PTAFR: variants seen among roughly 807,000 people sequenced by gnomAD.
PTAFR encodes platelet-activating factor receptor.
PTAFR carries 8 observed loss-of-function variants against 14.7 expected under a neutral mutation model. That is an observed-to-expected ratio of 0.54 (90% CI 0.32 to 0.98). PTAFR has a LOEUF of 0.98. Among genes scored for constraint, PTAFR ranks in the 50% least tolerant of loss-of-function variants. The pLI is 0.04. For missense variants in PTAFR, 337 were observed against 451.2 expected (o/e 0.75, Z 2.29); for synonymous variants, 156 against 176.5 (o/e 0.88, Z 0.92).
rs753134081 is a variant in PTAFR, at chr1:28,150,024, T to G, written c.998A>C (p.Asn333Thr). ...TTTGAGGGAATTGCCAGGGATCTGGTTGAATGGCACAACCACTTCAGTGAC... is the reference window on the plus strand; with the variant it reads ...TTTGAGGGAATTGCCAGGGATCTGGGTGAATGGCACAACCACTTCAGTGAC... ...DTVTEVVVPF[N>T]QIPGNSLKN The change falls in exon 2 of 2, where the codon AAC becomes ACC. Residue 333 changes from asparagine to threonine, a missense_variant. Physicochemically the swap from Asn to Thr is moderately conservative, Grantham distance 65. Transcript: ENST00000373857. This position sits in a 1 kb window ranked among gnomAD's most constrained non-coding sequence, Gnocchi z 6.3. 1 of 1,613,630 alleles carries G rather than the reference T, an allele frequency of 6.2e-7. No homozygotes were observed. Among genetic ancestry groups the G allele is most frequent in the African/African-American group, 1.3e-5 (1 of 74,910 alleles).
At chr1:28,153,892 A>C (rs1166885340) in intron 1 of PTAFR, among the ~76,000 whole-genome samples, 7 of 151,924 alleles carry the variant, frequency 4.6e-5, no homozygotes, top group African/African-American at 1.5e-4. Flanking sequence ...TATCTCAAAA[A>C]AAAGAAAAAA....
rs758670134 is a variant in PTAFR, at chr1:28,150,113, G to A, written c.909C>T (p.His303=). The A allele has an allele frequency of 1.7e-5, 28 of 1,614,088 alleles. No individual in the cohort carries two copies. The highest frequency in any genetic ancestry group is 2.4e-5 in the Non-Finnish European group (28 of 1,180,040). The change falls in exon 2 of 2, where the codon CAC becomes CAT. Residue 303 remains histidine, a synonymous_variant. Coordinates refer to ENST00000373857, the MANE Select transcript of PTAFR (RefSeq NM_000952.5). This position sits in a 1 kb window ranked among gnomAD's most constrained non-coding sequence, Gnocchi z 6.3. Reference sequence around the variant, plus strand: ...GCATGCTGTAGAACTTTTCGGTGAGGTGCTTGCGGAACTTCTTGGTGAGGA... The same window carrying A: ...GCATGCTGTAGAACTTTTCGGTGAGATGCTTGCGGAACTTCTTGGTGAGGA... The part of the protein sequence containing the change: ...YCFLTKKFRK[H]LTEKFYSMRS...
chr1:28,150,533 G>C lies in PTAFR; in HGVS notation c.489C>G (p.Asp163Glu). 6.2e-7 allele frequency: 1 copy of C among 1,614,222 alleles called. No homozygotes were observed. Among genetic ancestry groups the C allele is most frequent in the Non-Finnish European group, 8.5e-7 (1 of 1,180,040 alleles). Residue 163 changes from aspartate (D) to glutamate (E), a missense_variant, in exon 2 of 2, where the codon GAC (aspartate) becomes GAG (glutamate). By Grantham distance (45) the Asp-to-Glu change is conservative. Transcript: ENST00000373857. The surrounding 1 kb of genome is among the most constrained non-coding windows in gnomAD (Gnocchi z 6.3). Reference protein sequence around the residue: ...LILDSTNTVPDSAGSGNVTRC... With the variant: ...LILDSTNTVPESAGSGNVTRC... ...GAGTGACGTTGCCTGAGCCAGCACT[G>C]TCGGGCACTGTGTTGGTGGAGTCCA...
At chr1:28,171,948 T>C (rs538398965) in intron 1 of PTAFR, among the ~76,000 whole-genome samples, 1 of 152,136 alleles carries the variant, frequency 6.6e-6, no homozygotes, top group South Asian at 2.1e-4. Flanking sequence ...GGAGGAACCA[T>C]CTCCTCTGGG....
At chr1:28,153,615 C>CGCG (rs1646223397) in intron 1 of PTAFR, among the ~76,000 whole-genome samples, 1 of 150,010 alleles carries the variant, frequency 6.7e-6, no homozygotes, top group African/African-American at 2.5e-5. Context: ...ACAGGCTAGG[C>CGCG]GCGGTGGCTC....
At chr1:28,160,108 A>C (rs185934079) in intron 1 of PTAFR, among the ~76,000 whole-genome samples, 2 of 150,402 alleles carry the variant, frequency 1.3e-5, no homozygotes, top group Admixed American at 6.6e-5. Flanking sequence ...CCAGTTACTC[A>C]GGAAGCTGAG....
intron 1 of PTAFR, among the ~76,000 whole-genome samples, chr1:28,172,880 T>A (rs576216654): frequency 1.3e-5 from 2 of 151,662 alleles, no homozygotes. Flanking sequence ...CTCAAAGCAT[T>A]GTTGTAAAAA....
Position 28,149,893 on chromosome 1 carries a change from C to T in PTAFR, c.*100G>A, listed in dbSNP as rs1228744364. 2.8e-6 allele frequency: 4 copies of T among 1,430,098 alleles called. No homozygotes were observed. The highest frequency in any genetic ancestry group is 2.8e-6 in the Non-Finnish European group (3 of 1,058,654). The allele number at this position is 1,430,098 out of a possible 1,614,324, so 88.6% of individuals were successfully genotyped here. A position where few individuals can be genotyped will look rare whatever the true frequency, so the allele number is the denominator to read the frequency against. On this transcript the variant is annotated 3_prime_UTR_variant, in exon 2 of 2. Transcript: ENST00000373857. ...CTCCAAATCTAATGGCCCACCAGTG[C>T]CCACAGAGGTGGTGCCCAGACCACA...
At chr1:28,176,245 C>A (rs1220263792) in intron 1 of PTAFR, among the ~76,000 whole-genome samples, 3 of 151,924 alleles carry the variant, frequency 2.0e-5, no homozygotes, top group Non-Finnish European at 2.9e-5. Context: ...GAGTTAGAGA[C>A]CAGTCTGGGC....
intron 1 of PTAFR, among the ~76,000 whole-genome samples, chr1:28,154,834 G>A (rs1284527654): frequency 5.3e-4 from 74 of 139,226 alleles, no homozygotes; most frequent in African/African-American, 1.6e-3. Context: ...AAAAAAAAGT[G>A]GGGGGGGAGG....
chr1:28,152,833 C>T (rs947337738), intron 1 of PTAFR, among the ~76,000 whole-genome samples: 1 of 152,066 alleles, frequency 6.6e-6, no homozygotes, highest in Admixed American at 6.5e-5. Flanking sequence ...ACTATATATG[C>T]GTGTTTGAAT....
Position 28,149,841 on chromosome 1 carries a change from C to T in PTAFR, c.*152G>A. 1 of 1,042,170 alleles carries T rather than the reference C, an allele frequency of 9.6e-7. No individual in the cohort carries two copies. Among genetic ancestry groups the T allele is most frequent in the Non-Finnish European group, 1.4e-6 (1 of 730,700 alleles). 64.6% of individuals were successfully genotyped at this position (1,042,170 alleles called of 1,614,324 possible). On this transcript the variant is annotated 3_prime_UTR_variant, in exon 2 of 2. Transcript: ENST00000373857. ...TGGATTTTCCAACAGCCTGGCTCTGCCATCATCCCTGCCCAGGTGAGGTAG... is the reference window on the plus strand; with the variant it reads ...TGGATTTTCCAACAGCCTGGCTCTGTCATCATCCCTGCCCAGGTGAGGTAG...
At position 28,149,777 on chromosome 1, in the gene PTAFR, T is replaced by A; in HGVS notation, c.*216A>T. ...AAGTCATCAGTCACAGTTACTGTAG[T>A]ATGCGCCCACAGGCGGATGAAGGGG... On this transcript the variant is annotated 3_prime_UTR_variant, in exon 2 of 2. Transcript: ENST00000373857. 1.7e-6 allele frequency: 1 copy of A among 587,062 alleles called. No individual in the cohort carries two copies. Among genetic ancestry groups the A allele is most frequent in the Non-Finnish European group, 3.0e-6 (1 of 336,324 alleles). 36.4% of individuals were successfully genotyped at this position (587,062 alleles called of 1,614,324 possible).
At chr1:28,178,535 A>G (rs1316461428), upstream of PTAFR, among the ~76,000 whole-genome samples, 1 of 152,052 alleles carries the variant, frequency 6.6e-6, no homozygotes, top group East Asian at 1.9e-4. Context: ...TGCCAGGATT[A>G]CAGGCATGAC....
chr1:28,153,454 G>A (rs1646219945), intron 1 of PTAFR, among the ~76,000 whole-genome samples: 1 of 151,378 alleles, frequency 6.6e-6, no homozygotes, highest in Non-Finnish European at 1.5e-5. Flanking sequence ...GTAGTAAAAA[G>A]AGCGCAGTAG....
At position 28,176,581 on chromosome 1, in the gene PTAFR, T is replaced by C. The variant is rs1244680367; in HGVS notation, c.-39+11A>G. 6.5e-6 allele frequency: 1 copy of C among 152,744 alleles called. No homozygotes were observed. The highest frequency in any genetic ancestry group is 2.4e-5 in the African/African-American group (1 of 41,408). The allele number at this position is 152,744 out of a possible 1,614,324, so 9.5% of individuals were successfully genotyped here. Reference sequence around the variant, plus strand: ...CCCCCTTGCCCAGCAGGGGCCAGGATTCCCCCTTACCTGTAGCAGGGGCAG... The same window carrying C: ...CCCCCTTGCCCAGCAGGGGCCAGGACTCCCCCTTACCTGTAGCAGGGGCAG... On this transcript the variant is annotated intron_variant, in intron 1 of 1. Transcript: ENST00000373857.
intron 1 of PTAFR, among the ~76,000 whole-genome samples, chr1:28,191,394 C>T (rs1489262906): frequency 2.6e-5 from 4 of 152,192 alleles, no homozygotes; most frequent in Non-Finnish European, 4.4e-5. Flanking sequence ...AAAGCTATGA[C>T]ATTGGTATGA....
chr1:28,189,205 G>A lies in PTAFR; in HGVS notation c.-39+4517C>T, dbSNP rs1646630900. 1.3e-5 allele frequency among the ~76,000 whole-genome samples: 2 copies of A among 151,646 alleles called. 1 individual carries two copies. Among genetic ancestry groups the A allele is most frequent in the Admixed American group, 1.3e-4 (2 of 15,198 alleles). On this transcript the variant is annotated intron_variant, in intron 1 of 1. Transcript: ENST00000305392. ...TTGAAAATGTGCACATTCTTCCTAG[G>A]TATTTACCAAAAATATTAAACACAG...
chr1:28,183,333 A>G (rs922125530), intron 1 of PTAFR, among the ~76,000 whole-genome samples: 1 of 152,234 alleles, frequency 6.6e-6, no homozygotes, highest in African/African-American at 2.4e-5. Context: ...TGAGTGCAAA[A>G]AAGAAATATT....
Sources: gnomAD v4.1 joint callset for allele counts (sites outside exome capture counted in the v4.1 genomes callset) on GRCh38, gnomAD v4.1.1 for gene constraint, Gnocchi (gnomAD v3.1) non-coding constraint, MANE v1.5 for transcripts, NCBI Gene and HGNC (gene_info 2026-07-23, HGNC 2026-07-21) for gene names.